Variants in AIFM1 observed in about 807,000 individuals in gnomAD.
AIFM1 encodes apoptosis-inducing factor 1, mitochondrial.
In AIFM1, 3 loss-of-function variants were observed where a neutral mutation model predicts 51.7. The ratio of observed to expected loss-of-function variants is 0.06; its 90% confidence interval spans 0.03 to 0.15. AIFM1 has a LOEUF of 0.15. AIFM1 is among the 10% of genes least tolerant of loss of function. The pLI, the probability that AIFM1 is intolerant of heterozygous loss-of-function variation, is 1.00. For missense variants in AIFM1, 330 were observed against 476.8 expected, an observed-to-expected ratio of 0.69 and a Z score of 2.87; for synonymous variants, 178 against 179.4, an observed-to-expected ratio of 0.99 and a Z score of 0.06.
Position 130,129,963 on chromosome X carries a change from C to T in AIFM1, c.1770+7G>A. ...ATCTTCCTCTAAGAGTTATGACAGGCACCTACCTTCCTTGCTATTGGCATT... is the reference window on the plus strand; with the variant it reads ...ATCTTCCTCTAAGAGTTATGACAGGTACCTACCTTCCTTGCTATTGGCATT... On this transcript the variant is annotated splice_region_variant and intron_variant, in intron 15 of 15. Transcript: ENST00000287295. 3.3e-6 allele frequency: 4 copies of T among 1,211,181 alleles called. No individual in the cohort carries two copies. The highest frequency in any genetic ancestry group is 4.5e-6 in the Non-Finnish European group (4 of 894,850).
At chrX:130,154,801 T>G (rs1156942490) in intron 2 of AIFM1, among the ~76,000 whole-genome samples, 3 of 112,821 alleles carry the variant, frequency 2.7e-5, no homozygotes, top group Non-Finnish European at 5.6e-5. Flanking sequence ...TACCTTTATT[T>G]GCTTATTTAA....
At chrX:130,137,617 G>A in intron 9 of AIFM1, 2 of 1,129,149 alleles carry the variant, frequency 1.8e-6, no homozygotes, top group African/African-American at 1.8e-5. Flanking sequence ...TGTGCCCAAA[G>A]AAGTTTTTGG....
intron 2 of AIFM1, among the ~76,000 whole-genome samples, chrX:130,150,644 CT>C (rs2030936207): frequency 9.5e-6 from 1 of 105,607 alleles, no homozygotes; most frequent in South Asian, 4.5e-4. Flanking sequence ...CTATTGGAGA[CT>C]TTTTAAAGAA....
At chrX:130,143,331 A>C in intron 6 of AIFM1, among the ~76,000 whole-genome samples, 1 of 111,875 alleles carries the variant, frequency 8.9e-6, no homozygotes. Flanking sequence ...AATGGTCCAA[A>C]ACTGAATTTT....
rs757266976 is a variant in AIFM1 at position 130,133,084 on chromosome X, A to T, written c.1448+229T>A. Among the ~76,000 whole-genome samples, 5 of 111,295 alleles carry T rather than the reference A, an allele frequency of 4.5e-5. 1 individual carries two copies. In the South Asian group the frequency reaches 1.9e-3, roughly 42 times the overall value. ...TACGCCAGACAGAACACTTAAAATAATTTTTTTCTCTTTTAATGTTTTACA... is the reference window on the plus strand; with the variant it reads ...TACGCCAGACAGAACACTTAAAATATTTTTTTTCTCTTTTAATGTTTTACA... On this transcript the variant is annotated intron_variant, in intron 13 of 15. Coordinates refer to ENST00000287295, the MANE Select transcript of AIFM1 (RefSeq NM_004208.4).
At chrX:130,153,463 C>A (rs868586140) in intron 2 of AIFM1, among the ~76,000 whole-genome samples, 2 of 109,342 alleles carry the variant, frequency 1.8e-5, no homozygotes, top group South Asian at 7.7e-4. Flanking sequence ...AATAGTTATA[C>A]TTAAGTTAGG....
At chrX:130,161,532 A>T (rs1407898474) in intron 1 of AIFM1, among the ~76,000 whole-genome samples, 1 of 102,004 alleles carries the variant, frequency 9.8e-6, no homozygotes, top group Non-Finnish European at 2.0e-5. Context: ...AAAAAAAAAA[A>T]CACAGGACAA....
intron 1 of AIFM1, among the ~76,000 whole-genome samples, chrX:130,162,765 C>T (rs189805155): frequency 2.7e-5 from 3 of 111,333 alleles, no homozygotes; most frequent in Non-Finnish European, 5.7e-5. Flanking sequence ...GTCAGGGAGT[C>T]GGTGATCAGT....
At chrX:130,136,616 T>C in intron 11 of AIFM1, 27 bp downstream of exon 11, 1 of 1,186,720 alleles carries the variant, frequency 8.4e-7, no homozygotes. Flanking sequence ...GGAAGGCCTC[T>C]TGGCAGACTA....
Position 130,165,204 on chromosome X carries a change from G to A in AIFM1, c.106+347C>T, listed in dbSNP as rs148049124. 1.5e-4 allele frequency among the ~76,000 whole-genome samples: 14 copies of A among 93,353 alleles called. No homozygotes were observed. In the East Asian group the frequency reaches 4.8e-3, roughly 32 times the overall value. 81.1% of individuals were successfully genotyped at this position (93,353 alleles called of 115,157 possible). ...AACGTCCTGTTTAAAGTCTCAATCGGTAAATGACAAAGTCTACTTGACCTC... is the reference window on the plus strand; with the variant it reads ...AACGTCCTGTTTAAAGTCTCAATCGATAAATGACAAAGTCTACTTGACCTC... On this transcript the variant is annotated intron_variant, in intron 1 of 15. Coordinates refer to ENST00000287295, the MANE Select transcript of AIFM1 (RefSeq NM_004208.4).
Position 130,156,504 on chromosome X carries a change from A to G in AIFM1, c.206T>C (p.Leu69Ser). ...ASGGKIDNSV[L>S]VLIVGLSTVG... ...TGTTGATAAGCCCACAATAAGGACT[A>G]ACACAGAATTATCGATTTTGCCCCC... The change falls in exon 2 of 16, where the codon TTA becomes TCA. Residue 69 changes from leucine (L) to serine (S), a missense_variant. Around this residue, in one of 4 missense-constraint regions of AIFM1, gnomAD observed 110 missense variants for 103.1 expected, o/e 1.07. Coordinates refer to ENST00000287295, the MANE Select transcript of AIFM1 (RefSeq NM_004208.4). 8.3e-7 allele frequency: 1 copy of G among 1,211,893 alleles called. No individual in the cohort carries two copies.
chrX:130,154,016 A>G (rs1251461545), intron 2 of AIFM1, among the ~76,000 whole-genome samples: 1 of 112,518 alleles, frequency 8.9e-6, no homozygotes, highest in Non-Finnish European at 1.9e-5. Context: ...CGGACAAAAA[A>G]ACTAAGCCAC....
chrX:130,142,637 G>C (rs1342954408), intron 6 of AIFM1, among the ~76,000 whole-genome samples: 1 of 110,890 alleles, frequency 9.0e-6, no homozygotes, highest in Admixed American at 9.6e-5. Flanking sequence ...CTTCCCAATG[G>C]TATCTGTTTT....
chrX:130,140,483 A>T (rs1569418650), intron 7 of AIFM1, 50 bp downstream of exon 7: 1 of 1,066,954 alleles, frequency 9.4e-7, no homozygotes, highest in African/African-American at 1.8e-5. Context: ...TGGACTCTAA[A>T]ACTTGAATGA....
At chrX:130,136,523 T>A (rs1407272991) in intron 11 of AIFM1, 120 bp downstream of exon 11, 14 of 658,937 alleles carry the variant, frequency 2.1e-5, no homozygotes, top group Non-Finnish European at 3.4e-5. Flanking sequence ...GAAAATTATA[T>A]CAGGTTAATG....
chrX:130,140,799 C>T (rs1036110592), intron 6 of AIFM1, among the ~76,000 whole-genome samples, 182 bp from the exon 7 acceptor site: 20 of 112,456 alleles, frequency 1.8e-4, no homozygotes, highest in Admixed American at 1.9e-4. Context: ...CCATCACCAC[C>T]CCAAAACTCC....
chrX:130,165,479 G>GGGCT, intron 1 of AIFM1, 72 bp downstream of exon 1: 1 of 903,821 alleles, frequency 1.1e-6, no homozygotes, highest in Non-Finnish European at 1.6e-6. Context: ...CGGGGGTAGA[G>GGGCT]GGCTGCAAGG....
intron 11 of AIFM1, 129 bp downstream of exon 11, chrX:130,136,514 A>C: frequency 1.6e-6 from 1 of 644,032 alleles, no homozygotes; most frequent in Non-Finnish European, 2.5e-6. Flanking sequence ...GTTAATTCGG[A>C]AAATTATATC....
intron 12 of AIFM1, among the ~76,000 whole-genome samples, chrX:130,135,433 T>TG (rs2030289212): frequency 5.0e-5 from 1 of 20,074 alleles, no homozygotes; most frequent in African/African-American, 2.8e-4. Flanking sequence ...TACATCTTTT[T>TG]TTTTTTAAAA....
Sources: allele counts gnomAD v4.1 joint callset (sites outside exome capture counted in the v4.1 genomes callset), GRCh38; gene constraint gnomAD v4.1.1; regional missense constraint gnomAD v4.1.1; transcripts MANE v1.5; gene names NCBI Gene and HGNC (gene_info 2026-07-23, HGNC 2026-07-21).